ZFHX3: variants seen among roughly 807,000 people sequenced by gnomAD.
The protein encoded by ZFHX3 is zinc finger homeobox protein 3.
A neutral mutation model predicts 279.1 loss-of-function variants in ZFHX3; 42 were observed. That is an observed-to-expected ratio of 0.15 (90% CI 0.12 to 0.19). The LOEUF (loss-of-function observed/expected upper bound fraction) is 0.19, where lower values mean the gene tolerates loss of function less well. ZFHX3 is among the 10% of genes least tolerant of loss of function. The probability of loss-of-function intolerance (pLI) is 1.00; values close to 1 mark genes in which losing one functional copy is unlikely to be tolerated. For synonymous variants in ZFHX3, 2,293 were observed against 1,957.8 expected (o/e 1.17, Z -4.52); for missense variants, 4,981 against 4,754.0 (o/e 1.05, Z -1.40).
At chr16:73,695,914 A>T (rs1024537804) in intron 1 of ZFHX3, among the ~76,000 whole-genome samples, 1 of 152,198 alleles carries the variant, frequency 6.6e-6, no homozygotes, top group African/African-American at 2.4e-5. Context: ...AACAAAGCAG[A>T]TGTAGGAGCA....
intron 2 of ZFHX3, among the ~76,000 whole-genome samples, chr16:73,514,931 G>A (rs558737010): frequency 2.6e-5 from 4 of 152,042 alleles, no homozygotes; most frequent in South Asian, 2.1e-4. Flanking sequence ...CCACATATGC[G>A]GTGATAAACA....
chr16:73,574,609 T>C (rs1410224605), intron 2 of ZFHX3, among the ~76,000 whole-genome samples: 2 of 152,192 alleles, frequency 1.3e-5, no homozygotes, highest in Non-Finnish European at 2.9e-5. Context: ...ACAGCGGCAG[T>C]GACAATGGGT....
chr16:73,385,736 GCT>G (rs1340342173), intron 3 of ZFHX3, among the ~76,000 whole-genome samples: 1 of 152,238 alleles, frequency 6.6e-6, no homozygotes, highest in Non-Finnish European at 1.5e-5. Context: ...CTGCTTACAG[GCT>G]GGGGTACTCA....
intron 2 of ZFHX3, among the ~76,000 whole-genome samples, chr16:73,603,753 TACTC>T (rs139017875): frequency 0.035 from 5,133 of 146,574 alleles, 264 homozygotes; most frequent in African/African-American, 0.1. Flanking sequence ...TTGTTAAAAA[TACTC>T]AGGAAAAAAA....
At chr16:73,219,445 T>G (rs73597339) in intron 5 of ZFHX3, among the ~76,000 whole-genome samples, 3,214 of 152,232 alleles carry the variant, frequency 0.021, 72 homozygotes, top group African/African-American at 0.063. Context: ...AGAACTACAG[T>G]AAATATTAAG....
chr16:73,043,980 T>A (rs1965206627), intron 1 of ZFHX3, among the ~76,000 whole-genome samples: 1 of 152,212 alleles, frequency 6.6e-6, no homozygotes, highest in Admixed American at 6.5e-5. Flanking sequence ...CGGGGCGGTT[T>A]GACACAACCG....
intron 2 of ZFHX3, chr16:73,610,139 G>C (rs552682156): frequency 1.3e-5 from 2 of 152,222 alleles, no homozygotes; most frequent in Admixed American, 1.3e-4. Context: ...TTTTTCTTAG[G>C]GAGCCCTGCA....
In ZFHX3 at chr16:72,797,860, T is replaced by G; in HGVS notation, c.4822A>C (p.Ser1608Arg). The change falls in exon 9 of 10, where the codon AGT (serine) becomes CGT (arginine). Residue 1608 changes from serine (S) to arginine (R), a missense_variant. By Grantham distance (110) the Ser-to-Arg change is moderately radical. Coordinates refer to ENST00000268489, the MANE Select transcript of ZFHX3 (RefSeq NM_006885.4). ...CNTCNVAYSQSSTLEIHMRSV... is the reference protein window; with the variant it reads ...CNTCNVAYSQRSTLEIHMRSV... ...CTCATATGGATCTCCAGAGTGGAAC[T>G]CTGGCTGTAGGCCACATTACAAGTG... The G allele has an allele frequency of 6.2e-7, 1 of 1,614,210 alleles. No individual in the cohort carries two copies. Among genetic ancestry groups the G allele is most frequent in the East Asian group, 2.2e-5 (1 of 44,866 alleles).
At chr16:72,856,835 T>C (rs1022078675) in intron 4 of ZFHX3, among the ~76,000 whole-genome samples, 6 of 152,140 alleles carry the variant, frequency 3.9e-5, no homozygotes, top group African/African-American at 1.4e-4. Flanking sequence ...GTGAAATGGA[T>C]TGTGTCAAGT....
In ZFHX3 at chr16:72,904,476, A is replaced by G. The variant is rs777198378; in HGVS notation, c.3217-14514T>C. Among the ~76,000 whole-genome samples the G allele has an allele frequency of 8.1e-4, 123 of 152,260 alleles. No homozygotes were observed. In the Middle Eastern group the frequency reaches 0.01, roughly 13 times the overall value. On this transcript the variant is annotated intron_variant, in intron 3 of 9. Coordinates refer to ENST00000268489, the MANE Select transcript of ZFHX3 (RefSeq NM_006885.4). ...AAGAAAATCCTTCTAAAGCTCCACT[A>G]TTCCTCCTGGGTCTTCAGCTTGCCT...
chr16:72,906,046 T>C (rs1948438680), intron 3 of ZFHX3, among the ~76,000 whole-genome samples: 1 of 151,702 alleles, frequency 6.6e-6, no homozygotes, highest in Admixed American at 6.6e-5. Flanking sequence ...TGTGATTCCT[T>C]CCCTCTCCAG....
At position 73,443,191 on chromosome 16, in the gene ZFHX3, T is replaced by C. The variant is rs117597295; in HGVS notation, c.-1291+12812A>G. On this transcript the variant is annotated intron_variant, in intron 3 of 17. Coordinates refer to the ZFHX3 transcript ENST00000641206. ...ATCTGAAGCTTTCTTTATATGACAA[T>C]AACAGAAAGAAGGGAAAGAAATAAA... Among the ~76,000 whole-genome samples, 599 of 152,132 alleles carry C rather than the reference T, an allele frequency of 3.9e-3. 1 individual carries two copies. Among genetic ancestry groups the C allele is most frequent in the Admixed American group, 7.3e-3 (111 of 15,290 alleles).
intron 2 of ZFHX3, among the ~76,000 whole-genome samples, chr16:73,518,918 G>A (rs974272416): frequency 3.3e-5 from 5 of 152,276 alleles, no homozygotes; most frequent in Middle Eastern, 6.8e-3. Flanking sequence ...AGAGAGATTC[G>A]TGGCACATAA....
At chr16:73,591,794 G>A (rs914187707) in intron 2 of ZFHX3, among the ~76,000 whole-genome samples, 4 of 142,922 alleles carry the variant, frequency 2.8e-5, no homozygotes, top group Non-Finnish European at 6.1e-5. Flanking sequence ...TGAATGTAAT[G>A]GATGTGGATC....
At chr16:73,322,663 C>T (rs2015599993) in intron 3 of ZFHX3, among the ~76,000 whole-genome samples, 1 of 152,126 alleles carries the variant, frequency 6.6e-6, no homozygotes, top group African/African-American at 2.4e-5. Flanking sequence ...GAGAGCTATG[C>T]TGGGTGATCT....
chr16:73,073,842 G>T (rs1017691297), intron 8 of ZFHX3, among the ~76,000 whole-genome samples: 29 of 152,142 alleles, frequency 1.9e-4, no homozygotes. Flanking sequence ...TAACTCCGTT[G>T]GTCAATGAAA....
At position 72,787,697 on chromosome 16, in the gene ZFHX3, C is replaced by CGGA. The variant is rs758214401; in HGVS notation, c.10578_10579insTCC (p.Gly3526_Gly3527insSer). ...TCGCACGCCAGGCAGTGGTACGAGC[C>CGGA]GCCGCCGCCGCCGCCGCCGCCACCG... On this transcript the variant is annotated inframe_insertion, in exon 10 of 10. Coordinates refer to ENST00000268489, the MANE Select transcript of ZFHX3 (RefSeq NM_006885.4). 5 of 1,238,396 alleles carry CGGA rather than the reference C, an allele frequency of 4.0e-6. No homozygotes were observed. The African/African-American group carries it at 6.3e-5, about 16-fold the overall frequency. The allele number at this position is 1,238,396 out of a possible 1,614,324, so 76.7% of individuals were successfully genotyped here. A position where few individuals can be genotyped will look rare whatever the true frequency, so the allele number is the denominator to read the frequency against.
At chr16:73,606,385 C>T (rs2052182930) in intron 2 of ZFHX3, among the ~76,000 whole-genome samples, 1 of 150,800 alleles carries the variant, frequency 6.6e-6, no homozygotes, top group Non-Finnish European at 1.5e-5. Context: ...ACTCAGGAGG[C>T]TGAGGCAGGA....
chr16:73,668,806 G>A (rs555345860), intron 2 of ZFHX3, among the ~76,000 whole-genome samples: 141 of 152,106 alleles, frequency 9.3e-4, no homozygotes, highest in Non-Finnish European at 1.7e-3. Flanking sequence ...ACAAACATAT[G>A]AAGAAAAGCT....
Sources: gnomAD v4.1 joint callset for allele counts (sites outside exome capture counted in the v4.1 genomes callset) on GRCh38, gnomAD v4.1.1 for gene constraint, MANE v1.5 for transcripts, NCBI Gene and HGNC (gene_info 2026-07-23, HGNC 2026-07-21) for gene names.